Variants in PRR16 observed in about 807,000 individuals in gnomAD.
The protein encoded by PRR16 is proline rich 16, also known as protein Largen.
PRR16 carries 6 observed loss-of-function variants against 18.2 expected under a neutral mutation model. The observed-to-expected ratio is 0.33, with a 90% CI of 0.18 to 0.65. The LOEUF is 0.65. PRR16 is among the 30% of genes least tolerant of loss of function. The pLI is 0.74. For missense variants in PRR16, 412 were observed against 376.6 expected, an observed-to-expected ratio of 1.09 and a Z score of -0.78; for synonymous variants, 151 against 147.8, an observed-to-expected ratio of 1.02 and a Z score of -0.16.
At chr5:120,638,541 A>G (rs921418983) in intron 1 of PRR16, among the ~76,000 whole-genome samples, 3 of 152,094 alleles carry the variant, frequency 2.0e-5, no homozygotes, top group Admixed American at 1.3e-4. Flanking sequence ...ATGAGATTCT[A>G]TTATAATCCC....
At chr5:120,516,484 GACACACACACACACAC>G (rs149936115) in intron 1 of PRR16, among the ~76,000 whole-genome samples, 24 of 136,500 alleles carry the variant, frequency 1.8e-4, no homozygotes, top group African/African-American at 5.9e-4. Flanking sequence ...AGGAGGGAAG[GACACACACACACACAC>G]ACACACACAC....
chr5:120,659,642 A>G (rs935725009), intron 1 of PRR16, among the ~76,000 whole-genome samples: 2 of 152,034 alleles, frequency 1.3e-5, no homozygotes, highest in Non-Finnish European at 2.9e-5. Flanking sequence ...CTTTCAACAT[A>G]GCTTTTTCTT....
At position 120,482,075 on chromosome 5, in the gene PRR16, C is replaced by T. The variant is rs781347605; in HGVS notation, c.159+17430C>T. Reference sequence around the variant, plus strand: ...TATACAAAGAATGAAAAATTTGTCACCTTTTTAAAAAATGAGCTTATTGCC... The same window carrying T: ...TATACAAAGAATGAAAAATTTGTCATCTTTTTAAAAAATGAGCTTATTGCC... On this transcript the variant is annotated intron_variant, in intron 1 of 1. Transcript: ENST00000407149. Among the ~76,000 whole-genome samples the T allele has an allele frequency of 2.6e-5, 4 of 152,182 alleles. No homozygotes were observed. In the East Asian group the frequency reaches 7.7e-4, roughly 29 times the overall value.
chr5:120,546,183 G>A (rs1410915513), intron 1 of PRR16, among the ~76,000 whole-genome samples: 2 of 151,994 alleles, frequency 1.3e-5, no homozygotes, highest in African/African-American at 2.4e-5. Flanking sequence ...TCCATATTTA[G>A]TGTAACAAAG....
chr5:120,718,987 C>T, the PRR16 span, among the ~76,000 whole-genome samples: 1 of 151,988 alleles, frequency 6.6e-6, no homozygotes, highest in African/African-American at 2.4e-5. Context: ...AGAGATAGTA[C>T]AGCTGAGGAG....
At chr5:120,702,236 CAGAAATAAGGGGTCGGGGCACGG>C in the PRR16 span, among the ~76,000 whole-genome samples, 1 of 135,812 alleles carries the variant, frequency 7.4e-6, no homozygotes, top group South Asian at 2.3e-4. Flanking sequence ...GGTCGGGACA[CAGAAATAAGGGGTCGGGGCACGG>C]AAATAAGGGG....
chr5:120,775,794 CTATTT>C, the PRR16 span, among the ~76,000 whole-genome samples: 3,484 of 121,966 alleles, frequency 0.029, 93 homozygotes, highest in Admixed American at 0.054. Flanking sequence ...CTACGCCTGG[CTATTT>C]TTTTTTTTTT....
chr5:120,528,437 C>T (rs1037048176), intron 1 of PRR16, among the ~76,000 whole-genome samples: 3 of 152,050 alleles, frequency 2.0e-5, no homozygotes, highest in Non-Finnish European at 2.9e-5. Context: ...GGCAACTTTG[C>T]CATATTCTGG....
chr5:120,704,893 T>C, the PRR16 span, among the ~76,000 whole-genome samples: 1 of 152,204 alleles, frequency 6.6e-6, no homozygotes, highest in East Asian at 1.9e-4. Context: ...AGAATGTACT[T>C]AGAAATTTAT....
chr5:120,755,219 A>G, the PRR16 span, among the ~76,000 whole-genome samples: 10 of 151,960 alleles, frequency 6.6e-5, no homozygotes, highest in Non-Finnish European at 4.4e-5. Flanking sequence ...AAATCTAAAA[A>G]AAATAAAAAA....
At chr5:120,757,776 C>T in the PRR16 span, among the ~76,000 whole-genome samples, 1 of 151,968 alleles carries the variant, frequency 6.6e-6, no homozygotes, top group Non-Finnish European at 1.5e-5. Context: ...ATATAAATCT[C>T]TTACTGCTTT....
At chr5:120,711,644 C>T in the PRR16 span, among the ~76,000 whole-genome samples, 3 of 152,242 alleles carry the variant, frequency 2.0e-5, no homozygotes, top group South Asian at 4.1e-4. Flanking sequence ...GGATTGGACA[C>T]ACTTGGCCAC....
intron 1 of PRR16, among the ~76,000 whole-genome samples, chr5:120,483,031 C>T (rs1749673040): frequency 1.3e-5 from 2 of 152,130 alleles, no homozygotes; most frequent in Non-Finnish European, 2.9e-5. Flanking sequence ...GGGAATGCTG[C>T]AGTAATAAAT....
intron 1 of PRR16, among the ~76,000 whole-genome samples, chr5:120,615,678 G>A (rs1246131637): frequency 6.6e-6 from 1 of 151,888 alleles, no homozygotes; most frequent in East Asian, 1.9e-4. Context: ...ATTAAATAAT[G>A]CCTGCATACT....
At chr5:120,469,716 T>C (rs1456511307) in intron 1 of PRR16, among the ~76,000 whole-genome samples, 1 of 152,198 alleles carries the variant, frequency 6.6e-6, no homozygotes, top group East Asian at 1.9e-4. Flanking sequence ...TTTACTACTT[T>C]ATACCACAGT....
the PRR16 span, among the ~76,000 whole-genome samples, chr5:120,753,851 ATATATAATATCTTATATAT>A: frequency 1.8e-5 from 2 of 109,794 alleles, no homozygotes; most frequent in African/African-American, 3.6e-5. Context: ...CTTATATATT[ATATATAATATCTTATATAT>A]TATATATTTA....
At chr5:120,641,148 A>T (rs1297395673) in intron 1 of PRR16, among the ~76,000 whole-genome samples, 1 of 152,174 alleles carries the variant, frequency 6.6e-6, no homozygotes, top group East Asian at 1.9e-4. Flanking sequence ...AATTGTGCTG[A>T]GGCAATAGCA....
At chr5:120,695,814 A>T in the PRR16 span, among the ~76,000 whole-genome samples, 1 of 151,994 alleles carries the variant, frequency 6.6e-6, no homozygotes, top group African/African-American at 2.4e-5. Flanking sequence ...CTTTTCCTGG[A>T]TTTATGGCCC....
chr5:120,710,871 G>A, the PRR16 span: 1 of 152,128 alleles, frequency 6.6e-6, no homozygotes, highest in Non-Finnish European at 1.5e-5. Context: ...ATACGCAGAA[G>A]TCTAAAATGG....
Sources: allele counts gnomAD v4.1 joint callset (sites outside exome capture counted in the v4.1 genomes callset), GRCh38; gene constraint gnomAD v4.1.1; transcripts MANE v1.5; gene names NCBI Gene and HGNC (gene_info 2026-07-23, HGNC 2026-07-21).